Variants in CCDC141 observed in about 807,000 individuals in gnomAD.
CCDC141 encodes coiled-coil domain containing 141, also known as coiled-coil domain-containing protein 141.
In CCDC141, 168 loss-of-function variants were observed where a neutral mutation model predicts 181.0. That is an observed-to-expected ratio of 0.93 (90% CI 0.82 to 1.05). The LOEUF is 1.05. CCDC141 is among the 50% of genes least tolerant of loss of function. The probability of loss-of-function intolerance (pLI) is 0.00; values close to 1 mark genes in which losing one functional copy is unlikely to be tolerated. For missense variants in CCDC141, 1,902 were observed against 1,788.5 expected, an observed-to-expected ratio of 1.06 and a Z score of -1.14; for synonymous variants, 666 against 642.3, an observed-to-expected ratio of 1.04 and a Z score of -0.56.
chr2:178,977,361 G>T (rs1235678770), intron 3 of CCDC141, among the ~76,000 whole-genome samples: 1 of 152,114 alleles, frequency 6.6e-6, no homozygotes, highest in Non-Finnish European at 1.5e-5. Flanking sequence ...GAGTTTCAAG[G>T]ACAGTTGACA....
At position 178,936,058 on chromosome 2, in the gene CCDC141, CTG is replaced by C. The variant is rs1242558039; in HGVS notation, c.897+8475_897+8476del. ...CCATTCTGTAGGTTGTCTGTTTACTCTGTTGATAGTTTCTTTTGCTTTGCAGA... is the reference window on the plus strand; with the variant it reads ...CCATTCTGTAGGTTGTCTGTTTACTCTTGATAGTTTCTTTTGCTTTGCAGA... On this transcript the variant is annotated intron_variant, in intron 6 of 23. Transcript: ENST00000443758. Among the ~76,000 whole-genome samples, 3 of 152,014 alleles carry C rather than the reference CTG, an allele frequency of 2.0e-5. No individual in the cohort carries two copies. In the South Asian group the frequency reaches 6.2e-4, roughly 32 times the overall value.
At chr2:178,896,963 C>T (rs1042160668) in intron 8 of CCDC141, among the ~76,000 whole-genome samples, 3 of 151,894 alleles carry the variant, frequency 2.0e-5, no homozygotes, top group African/African-American at 4.8e-5. Context: ...CCCTTCTCCC[C>T]CTGCCACCCC....
the CCDC141 span, among the ~76,000 whole-genome samples, chr2:178,822,150 C>T: frequency 8.6e-5 from 13 of 151,358 alleles, no homozygotes; most frequent in Non-Finnish European, 1.3e-4. Context: ...AGCAAACTAT[C>T]GCAAGGACAA....
Position 178,978,607 on chromosome 2 carries a change from C to A in CCDC141, c.294G>T (p.Gln98His). Residue 98 changes from glutamine (Q) to histidine (H), a missense_variant, in exon 3 of 24, where the codon CAG becomes CAT. By Grantham distance (24) the Gln-to-His change is conservative (BLOSUM62 0). Transcript: ENST00000443758. ...CGGCCATGGCATCATAGACCTGACT[C>A]TGATCCTTGTTCTCTTCAGCTGTCT... ...ADKTAEENKDQSQVYDAMAET... is the reference protein window; with the variant it reads ...ADKTAEENKDHSQVYDAMAET... The A allele has an allele frequency of 1.3e-6, 2 of 1,549,948 alleles. No individual in the cohort carries two copies. Among genetic ancestry groups the A allele is most frequent in the Non-Finnish European group, 1.7e-6 (2 of 1,146,692 alleles).
intron 20 of CCDC141, among the ~76,000 whole-genome samples, 168 bp from the exon 21 acceptor site, chr2:178,850,329 G>C (rs558695362): frequency 8.5e-5 from 13 of 152,316 alleles, no homozygotes; most frequent in African/African-American, 3.1e-4. Context: ...GTTTCTAAAA[G>C]CTAGATATTC....
the CCDC141 span, chr2:178,817,663 T>C: frequency 1.4e-5 from 6 of 415,984 alleles, no homozygotes; most frequent in Non-Finnish European, 3.0e-5. Flanking sequence ...TCTAGGAACG[T>C]TAGAATTTTG....
At chr2:178,912,371 T>G (rs1273135688) in intron 7 of CCDC141, among the ~76,000 whole-genome samples, 1 of 152,248 alleles carries the variant, frequency 6.6e-6, no homozygotes, top group Non-Finnish European at 1.5e-5. Flanking sequence ...TAAAATTGAA[T>G]GTCTTGATTA....
chr2:178,877,716 T>C (rs1296330574), intron 12 of CCDC141: 1 of 537,934 alleles, frequency 1.9e-6, no homozygotes, highest in African/African-American at 2.0e-5. Context: ...AATAACAATG[T>C]TGCATTTGGA....
At chr2:179,042,669 T>C (rs2043345546) in intron 2 of CCDC141, among the ~76,000 whole-genome samples, 1 of 152,180 alleles carries the variant, frequency 6.6e-6, no homozygotes, top group Non-Finnish European at 1.5e-5. Flanking sequence ...TTGAAACTAA[T>C]GAGAACCAAG....
At chr2:178,816,082 G>A in the CCDC141 span, among the ~76,000 whole-genome samples, 203 of 152,294 alleles carry the variant, frequency 1.3e-3, 1 homozygote, top group African/African-American at 4.6e-3. Flanking sequence ...AGGGTTCACT[G>A]TTGTTTGGAC....
intron 2 of CCDC141, among the ~76,000 whole-genome samples, chr2:179,013,126 CA>C (rs1392698903): frequency 6.6e-6 from 1 of 152,052 alleles, no homozygotes; most frequent in Non-Finnish European, 1.5e-5. Context: ...AGCAATCAGA[CA>C]AGAGAAAGAA....
intron 7 of CCDC141, among the ~76,000 whole-genome samples, chr2:178,905,892 C>T (rs1687944770): frequency 6.6e-6 from 1 of 152,176 alleles, no homozygotes; most frequent in Non-Finnish European, 1.5e-5. Flanking sequence ...GCTTTTATGG[C>T]AAGAATGTTT....
At chr2:179,049,198 G>A (rs2043596592) in intron 1 of CCDC141, among the ~76,000 whole-genome samples, 1 of 152,130 alleles carries the variant, frequency 6.6e-6, no homozygotes, top group Non-Finnish European at 1.5e-5. Context: ...TGCAGTAATT[G>A]TAAACCCTAA....
intron 6 of CCDC141, among the ~76,000 whole-genome samples, chr2:178,928,395 G>A (rs1258638990): frequency 6.6e-6 from 1 of 152,212 alleles, no homozygotes; most frequent in East Asian, 1.9e-4. Context: ...GCGGTTCACA[G>A]ATTGACTGTG....
At chr2:179,005,046 T>G (rs1559042008) in intron 2 of CCDC141, among the ~76,000 whole-genome samples, 1 of 152,230 alleles carries the variant, frequency 6.6e-6, no homozygotes, top group Non-Finnish European at 1.5e-5. Context: ...GACTAAATTC[T>G]TAAAAGCCAC....
intron 2 of CCDC141, among the ~76,000 whole-genome samples, chr2:179,028,169 C>T (rs557396549): frequency 3.9e-5 from 6 of 152,284 alleles, no homozygotes; most frequent in Middle Eastern, 3.4e-3. Flanking sequence ...TTACATTCCT[C>T]CTGTTTTTGT....
At chr2:178,867,509 G>A (rs1408709351) in intron 16 of CCDC141, among the ~76,000 whole-genome samples, 1 of 151,914 alleles carries the variant, frequency 6.6e-6, no homozygotes, top group Non-Finnish European at 1.5e-5. Flanking sequence ...TTCATACTTT[G>A]AGCTTCCTCA....
intron 17 of CCDC141, among the ~76,000 whole-genome samples, chr2:178,861,427 G>T (rs1285593359): frequency 1.3e-5 from 2 of 152,060 alleles, no homozygotes; most frequent in Non-Finnish European, 2.9e-5. Context: ...CCAGAGGTCA[G>T]GAGTTCAAGA....
chr2:178,942,610 C>A (rs892258876), intron 6 of CCDC141, among the ~76,000 whole-genome samples: 11 of 152,104 alleles, frequency 7.2e-5, no homozygotes, highest in African/African-American at 2.7e-4. Context: ...TTTGTCCAAA[C>A]CCATAGAATG....
Sources: allele counts gnomAD v4.1 joint callset (sites outside exome capture counted in the v4.1 genomes callset), GRCh38; gene constraint gnomAD v4.1.1; transcripts MANE v1.5; gene names NCBI Gene and HGNC (gene_info 2026-07-23, HGNC 2026-07-21).